Variants in EPB41 observed in about 807,000 individuals in gnomAD.
EPB41 encodes the protein protein 4.1.
In EPB41, 65 loss-of-function variants were observed where a neutral mutation model predicts 108.0. The observed-to-expected ratio is 0.60, with a 90% CI of 0.49 to 0.74. The LOEUF (loss-of-function observed/expected upper bound fraction) is 0.74. Among genes scored for constraint, EPB41 ranks in the 30% least tolerant of loss-of-function variants. EPB41 has a pLI of 0.00. For synonymous variants in EPB41, 336 were observed against 358.9 expected (o/e 0.94, Z 0.72); for missense variants, 875 against 1,037.0 (o/e 0.84, Z 2.15).
At chr1:29,071,593 T>G (rs1651471070) in intron 16 of EPB41, 2 of 152,218 alleles carry the variant, frequency 1.3e-5, no homozygotes, top group Non-Finnish European at 2.9e-5. Flanking sequence ...AATCAATTGT[T>G]TTTAATCAAT....
At chr1:29,010,263 C>T (rs1445568550) in intron 4 of EPB41, among the ~76,000 whole-genome samples, 4 of 152,068 alleles carry the variant, frequency 2.6e-5, no homozygotes, top group African/African-American at 7.2e-5. Flanking sequence ...TGCTTGAACC[C>T]GGGAGGCGGA....
At chr1:29,090,162 T>A (rs1193408517) in intron 16 of EPB41, among the ~76,000 whole-genome samples, 1 of 151,896 alleles carries the variant, frequency 6.6e-6, no homozygotes, top group East Asian at 1.9e-4. Flanking sequence ...TACTTGGAGG[T>A]TGAGGCAAGA....
chr1:28,929,756 A>G (rs1570779563), intron 1 of EPB41, among the ~76,000 whole-genome samples: 1 of 126,308 alleles, frequency 7.9e-6, no homozygotes. Flanking sequence ...CTAGTCTCGA[A>G]CTCCTGACCT....
chr1:28,963,063 C>T (rs958685377), intron 1 of EPB41, among the ~76,000 whole-genome samples: 2 of 151,986 alleles, frequency 1.3e-5, no homozygotes, highest in Non-Finnish European at 1.5e-5. Flanking sequence ...TGACAGTAGT[C>T]TTAATTGAAC....
At chr1:28,926,358 AAAT>A (rs2093444572) in intron 1 of EPB41, among the ~76,000 whole-genome samples, 1 of 152,210 alleles carries the variant, frequency 6.6e-6, no homozygotes, top group Non-Finnish European at 1.5e-5. Flanking sequence ...AGCACCAGAT[AAAT>A]GTTACCCATT....
intron 1 of EPB41, among the ~76,000 whole-genome samples, chr1:28,971,722 A>G (rs915560362): frequency 6.6e-6 from 1 of 152,234 alleles, no homozygotes; most frequent in Non-Finnish European, 1.5e-5. Context: ...AGAGCTAATC[A>G]TCACTATAGA....
intron 10 of EPB41, 92 bp from the exon 11 acceptor site, chr1:29,039,162 A>T: frequency 1.4e-6 from 2 of 1,402,048 alleles, no homozygotes; most frequent in Admixed American, 1.9e-5. Flanking sequence ...GAATTGTGAA[A>T]CTTTTTTATT....
chr1:29,080,507 C>G (rs757695431), intron 16 of EPB41, among the ~76,000 whole-genome samples: 1 of 151,592 alleles, frequency 6.6e-6, no homozygotes, highest in Non-Finnish European at 1.5e-5. Flanking sequence ...CTTCTGGCCT[C>G]AAATAGTCCT....
intron 1 of EPB41, among the ~76,000 whole-genome samples, chr1:28,935,467 A>ACACACACACACACACACACACACAC (rs1294457517): frequency 1.6e-5 from 1 of 64,216 alleles, no homozygotes; most frequent in African/African-American, 5.3e-5. Context: ...ACACACACAC[A>ACACACACACACACACACACACACAC]CCCCCCCCCC....
chr1:29,080,579 G>C (rs1307309830), intron 16 of EPB41, among the ~76,000 whole-genome samples: 1 of 151,828 alleles, frequency 6.6e-6, no homozygotes, highest in Non-Finnish European at 1.5e-5. Context: ...CTAAAAGACA[G>C]GGTTTTACCA....
chr1:29,100,854 A>G (rs1487895516), intron 17 of EPB41, among the ~76,000 whole-genome samples: 2 of 150,342 alleles, frequency 1.3e-5, no homozygotes, highest in African/African-American at 4.9e-5. Context: ...TCTTGAGCCC[A>G]GGTGTTCAAG....
chr1:28,995,436 C>T (rs2096146070), intron 3 of EPB41, among the ~76,000 whole-genome samples: 1 of 152,272 alleles, frequency 6.6e-6, no homozygotes, highest in Middle Eastern at 3.4e-3. Flanking sequence ...GTGGCACGCA[C>T]CTGTAGTCCC....
chr1:29,032,067 C>G (rs1243947933), intron 8 of EPB41, among the ~76,000 whole-genome samples: 2 of 149,986 alleles, frequency 1.3e-5, no homozygotes, highest in Non-Finnish European at 3.0e-5. Context: ...CCACTGCACT[C>G]CAGCCTGGGT....
intron 16 of EPB41, among the ~76,000 whole-genome samples, chr1:29,073,325 G>A (rs1652408310): frequency 6.6e-6 from 1 of 151,924 alleles, no homozygotes. Flanking sequence ...CATTTCTAGG[G>A]TGACTCTGAG....
intron 1 of EPB41, among the ~76,000 whole-genome samples, chr1:28,956,873 T>C (rs540962909): frequency 3.3e-5 from 5 of 152,252 alleles, no homozygotes; most frequent in South Asian, 2.1e-4. Context: ...AATGTAATGC[T>C]GGATGATATA....
At chr1:28,901,255 T>C (rs1350012391) in intron 1 of EPB41, among the ~76,000 whole-genome samples, 3 of 121,358 alleles carry the variant, frequency 2.5e-5, no homozygotes. Context: ...AGACAGAGTC[T>C]TGCTCTGTCG....
At chr1:29,005,281 G>T (rs1164071814) in intron 4 of EPB41, among the ~76,000 whole-genome samples, 4 of 151,974 alleles carry the variant, frequency 2.6e-5, no homozygotes, top group Non-Finnish European at 4.4e-5. Context: ...ACCAGATCTT[G>T]TGAGAACTCT....
intron 4 of EPB41, among the ~76,000 whole-genome samples, chr1:29,002,845 A>G (rs998795166): frequency 6.6e-6 from 1 of 152,216 alleles, no homozygotes; most frequent in Non-Finnish European, 1.5e-5. Context: ...AAGTAATAGG[A>G]AAAAGCTGAT....
chr1:28,907,695 C>T (rs2091942021), intron 1 of EPB41, among the ~76,000 whole-genome samples: 2 of 152,148 alleles, frequency 1.3e-5, no homozygotes, highest in African/African-American at 4.8e-5. Flanking sequence ...TCACTGCAAC[C>T]TAGACCTCCC....
Sources: allele counts gnomAD v4.1 joint callset (sites outside exome capture counted in the v4.1 genomes callset), GRCh38; gene constraint gnomAD v4.1.1; transcripts MANE v1.5; gene names NCBI Gene and HGNC (gene_info 2026-07-23, HGNC 2026-07-21).